Variants in DENND4A observed in about 807,000 individuals in gnomAD.
The protein encoded by DENND4A is DENN domain containing 4A, also known as C-myc promoter-binding protein.
A neutral mutation model predicts 199.3 loss-of-function variants in DENND4A; 70 were observed. The observed-to-expected ratio is 0.35, with a 90% CI of 0.29 to 0.43. DENND4A has a LOEUF of 0.43. Among genes scored for constraint, DENND4A ranks in the 20% least tolerant of loss-of-function variants. DENND4A has a pLI of 1.00. For synonymous variants in DENND4A, 686 were observed against 766.9 expected (o/e 0.89, Z 1.74); for missense variants, 1,723 against 2,255.8 (o/e 0.76, Z 4.78).
chr15:65,779,020 T>C (rs980926495), intron 1 of DENND4A, among the ~76,000 whole-genome samples: 1 of 151,666 alleles, frequency 6.6e-6, no homozygotes, highest in East Asian at 1.9e-4. Flanking sequence ...TTTCAGCCAC[T>C]CAGAAGGCAG....
intron 24 of DENND4A, 23 bp from the exon 25 acceptor site, chr15:65,671,909 G>A: frequency 7.3e-7 from 1 of 1,363,840 alleles, no homozygotes; most frequent in Non-Finnish European, 1.1e-6. Context: ...GAAAAACAAA[G>A]AACAGAAACC....
intron 23 of DENND4A, among the ~76,000 whole-genome samples, chr15:65,677,335 G>A (rs2076414963): frequency 6.6e-6 from 1 of 151,954 alleles, no homozygotes; most frequent in African/African-American, 2.4e-5. Flanking sequence ...TCAGCCTCCC[G>A]AGTGGCTGGG....
At chr15:65,762,126 GC>G (rs2076867466) in intron 1 of DENND4A, among the ~76,000 whole-genome samples, 1 of 152,074 alleles carries the variant, frequency 6.6e-6, no homozygotes, top group Non-Finnish European at 1.5e-5. Context: ...TCCTGCCTCA[GC>G]CTCCCGAGTA....
intron 8 of DENND4A, 77 bp downstream of exon 8, chr15:65,732,674 AT>A: frequency 1.2e-6 from 1 of 848,164 alleles, no homozygotes; most frequent in Non-Finnish European, 1.9e-6. Context: ...CTCATTCAGA[AT>A]TGTTATTCTT....
At chr15:65,740,469 A>T (rs1047279605) in intron 5 of DENND4A, among the ~76,000 whole-genome samples, 1 of 148,098 alleles carries the variant, frequency 6.8e-6, no homozygotes, top group African/African-American at 2.5e-5. Context: ...AAAAAAAATT[A>T]GCCAGGCACG....
At chr15:65,731,060 A>G (rs2075942749) in intron 9 of DENND4A, among the ~76,000 whole-genome samples, 1 of 152,050 alleles carries the variant, frequency 6.6e-6, no homozygotes, top group Non-Finnish European at 1.5e-5. Flanking sequence ...TACAAAATTA[A>G]TGTCAAAGAT....
At chr15:65,718,043 C>T in intron 12 of DENND4A, 47 bp from the exon 13 acceptor site, 1 of 1,329,864 alleles carries the variant, frequency 7.5e-7, no homozygotes, top group East Asian at 2.5e-5. Context: ...TCACAAAACA[C>T]TCATGATGGT....
Position 65,659,322 on chromosome 15 carries a change from G to GTT in DENND4A, c.*2527_*2528dup, listed in dbSNP as rs869058369. 1 of 71,604 alleles carries GTT rather than the reference G, an allele frequency of 1.4e-5. No homozygotes were observed. The highest frequency in any genetic ancestry group is 7.7e-5 in the African/African-American group (1 of 12,914). 4.4% of individuals were successfully genotyped at this position (71,604 alleles called of 1,614,324 possible). On this transcript the variant is annotated 3_prime_UTR_variant, in exon 33 of 33. Coordinates refer to ENST00000443035, the MANE Select transcript of DENND4A (RefSeq NM_001320835.1). Reference sequence around the variant, plus strand: ...TATTTTAAATGATTGATATTTTCTGGTTTTTTTTTTTTTTTTTTTTTTTTT... The same window carrying GTT: ...TATTTTAAATGATTGATATTTTCTGGTTTTTTTTTTTTTTTTTTTTTTTTTTT...
chr15:65,735,031 C>T (rs918843790), intron 7 of DENND4A, among the ~76,000 whole-genome samples: 2 of 152,076 alleles, frequency 1.3e-5, no homozygotes, highest in Admixed American at 1.3e-4. Flanking sequence ...TGCAGTTAGC[C>T]ATGATCATGC....
At chr15:65,702,174 G>A (rs2074895578) in intron 17 of DENND4A, 131 bp downstream of exon 17, 2 of 815,178 alleles carry the variant, frequency 2.5e-6, no homozygotes, top group African/African-American at 3.4e-5. Context: ...TAAAATGGGA[G>A]GATTGCATCT....
At chr15:65,668,213 T>A in intron 27 of DENND4A, 90 bp from the exon 28 acceptor site, 1 of 857,396 alleles carries the variant, frequency 1.2e-6, no homozygotes, top group Non-Finnish European at 1.6e-6. Context: ...TCTCTCTCTT[T>A]TTTTTTTTTT....
intron 7 of DENND4A, among the ~76,000 whole-genome samples, chr15:65,733,455 ATGTT>A (rs1244563883): frequency 6.6e-6 from 1 of 152,120 alleles, no homozygotes; most frequent in African/African-American, 2.4e-5. Context: ...CAGTCTGAAT[ATGTT>A]TGTATTATTT....
At chr15:65,683,083 C>T (rs78852927) in intron 23 of DENND4A, among the ~76,000 whole-genome samples, 1 of 152,208 alleles carries the variant, frequency 6.6e-6, no homozygotes, top group East Asian at 1.9e-4. Flanking sequence ...AGTAAGCACA[C>T]GCTGTTGGAA....
chr15:65,700,561 T>A lies in DENND4A; in HGVS notation c.2816A>T (p.Asp939Val), dbSNP rs1462333374. The change falls in exon 20 of 33, where the codon GAT becomes GTT. Residue 939 changes from aspartate (D) to valine (V), a missense_variant. Coordinates refer to ENST00000443035, the MANE Select transcript of DENND4A (RefSeq NM_001320835.1). The part of the protein sequence containing the change: ...NTGLIKVYAT[D>V]DRSSTGGQSD... The stretch of plus-strand genomic sequence containing the variant: ...ACACAAACCTGTACTAGATCTATCA[T>A]CAGTAGCATATACTTTGATTAAACC... 1 of 1,532,386 alleles carries A rather than the reference T, an allele frequency of 6.5e-7. No homozygotes were observed. The highest frequency in any genetic ancestry group is 2.1e-5 in the Admixed American group (1 of 47,960). 94.9% of individuals were successfully genotyped at this position (1,532,386 alleles called of 1,614,324 possible).
chr15:65,786,941 G>C (rs1342080871), intron 1 of DENND4A, among the ~76,000 whole-genome samples: 1 of 151,904 alleles, frequency 6.6e-6, no homozygotes, highest in African/African-American at 2.4e-5. Context: ...AGAACAAAAG[G>C]GACTTTAACA....
intron 4 of DENND4A, among the ~76,000 whole-genome samples, chr15:65,751,759 A>G (rs1388341360): frequency 6.6e-6 from 1 of 152,190 alleles, no homozygotes; most frequent in Non-Finnish European, 1.5e-5. Context: ...AAATTAAAAC[A>G]AAGTATTGAT....
chr15:65,664,441 A>G (rs755760712), intron 31 of DENND4A, 47 bp from the exon 32 acceptor site: 3 of 1,514,866 alleles, frequency 2.0e-6, no homozygotes, highest in Non-Finnish European at 2.7e-6. Flanking sequence ...CATATAGTCC[A>G]TATGTTCCCT....
In DENND4A at chr15:65,691,169, G is replaced by A; in HGVS notation, c.3425C>T (p.Ser1142Phe). The A allele has an allele frequency of 6.2e-7, 1 of 1,613,466 alleles. No homozygotes were observed. Among genetic ancestry groups the A allele is most frequent in the African/African-American group, 1.3e-5 (1 of 75,024 alleles). The change falls in exon 23 of 33, where the codon TCT (serine) becomes TTT (phenylalanine). Residue 1142 changes from serine (S) to phenylalanine (F), a missense_variant. Around this residue, in one of 6 missense-constraint regions of DENND4A, gnomAD observed 650 missense variants for 738.1 expected, o/e 0.88. Coordinates refer to ENST00000443035, the MANE Select transcript of DENND4A (RefSeq NM_001320835.1). ...RSKRDSLEKE[S>F]SDDDTPFDGS... ...ATCAAAAGGTGTATCATCATCACTA[G>A]ATTCCTTTTCTAGACTGTCTCTTTT...
At chr15:65,665,629 C>T (rs1264747023) in intron 29 of DENND4A, among the ~76,000 whole-genome samples, 167 bp from the exon 30 acceptor site, 1 of 152,074 alleles carries the variant, frequency 6.6e-6, no homozygotes, top group East Asian at 1.9e-4. Context: ...GGAAGATGGG[C>T]TGTGTGGAAA....
Sources: gnomAD v4.1 joint callset for allele counts (sites outside exome capture counted in the v4.1 genomes callset) on GRCh38, gnomAD v4.1.1 for gene constraint, gnomAD v4.1.1 regional missense constraint, MANE v1.5 for transcripts, NCBI Gene and HGNC (gene_info 2026-07-23, HGNC 2026-07-21) for gene names.